ZDHHC21: variants seen among roughly 807,000 people sequenced by gnomAD.
The protein encoded by ZDHHC21 is zDHHC palmitoyltransferase 21, also known as palmitoyltransferase ZDHHC21.
In ZDHHC21, 15 loss-of-function variants were observed where a neutral mutation model predicts 34.6. The ratio of observed to expected loss-of-function variants is 0.43; its 90% CI spans 0.29 to 0.67. The LOEUF (loss-of-function observed/expected upper bound fraction) is 0.67. ZDHHC21 is among the 30% of genes least tolerant of loss of function. The pLI, the probability that ZDHHC21 is intolerant of heterozygous loss-of-function variation, is 0.14. For missense variants in ZDHHC21, 344 were observed against 327.7 expected (o/e 1.05, Z -0.38); for synonymous variants, 142 against 101.8 (o/e 1.40, Z -2.38).
At chr9:14,664,960 C>T (rs889896031) in intron 5 of ZDHHC21, among the ~76,000 whole-genome samples, 41 of 149,432 alleles carry the variant, frequency 2.7e-4, no homozygotes, top group African/African-American at 9.7e-4. Flanking sequence ...TCCAAAGGAA[C>T]GCAGTTCCTC....
the ZDHHC21 span, among the ~76,000 whole-genome samples, chr9:14,601,965 G>A: frequency 2.0e-5 from 3 of 151,934 alleles, no homozygotes; most frequent in East Asian, 5.8e-4. Context: ...ATGGACACAC[G>A]GAGGGGAACA....
chr9:14,687,347 G>A (rs1017779666), intron 2 of ZDHHC21, among the ~76,000 whole-genome samples: 3 of 150,732 alleles, frequency 2.0e-5, no homozygotes, highest in Non-Finnish European at 4.4e-5. Flanking sequence ...CACTACCTCT[G>A]AGAAATGAAA....
intron 8 of ZDHHC21, 72 bp downstream of exon 8, chr9:14,639,824 A>G: frequency 1.1e-6 from 1 of 877,078 alleles, no homozygotes; most frequent in Non-Finnish European, 1.6e-6. Context: ...AACTTCCTAT[A>G]ACTTTTGAGA....
At chr9:14,661,666 C>G (rs985811920) in intron 6 of ZDHHC21, among the ~76,000 whole-genome samples, 3 of 152,102 alleles carry the variant, frequency 2.0e-5, no homozygotes, top group African/African-American at 7.2e-5. Context: ...CCCTATTGAC[C>G]AAAACTGTTA....
chr9:14,659,889 C>A (rs1038040535), intron 6 of ZDHHC21, among the ~76,000 whole-genome samples: 1 of 152,120 alleles, frequency 6.6e-6, no homozygotes, highest in African/African-American at 2.4e-5. Context: ...AATATACACT[C>A]AAAAGTGCTC....
At chr9:14,630,024 G>A (rs1415127495) in intron 8 of ZDHHC21, among the ~76,000 whole-genome samples, 1 of 152,086 alleles carries the variant, frequency 6.6e-6, no homozygotes, top group Non-Finnish European at 1.5e-5. Flanking sequence ...CCAGCCTGGC[G>A]ACAGAGAGAG....
intron 7 of ZDHHC21, among the ~76,000 whole-genome samples, chr9:14,646,300 G>C (rs527514213): frequency 2.8e-4 from 42 of 152,060 alleles, no homozygotes; most frequent in African/African-American, 8.9e-4. Flanking sequence ...TCACTTAACT[G>C]TTTTTATTTT....
At chr9:14,688,794 G>C (rs181473541) in intron 2 of ZDHHC21, among the ~76,000 whole-genome samples, 1 of 152,150 alleles carries the variant, frequency 6.6e-6, no homozygotes, top group African/African-American at 2.4e-5. Context: ...CCCGGGAGGC[G>C]GAGGTTGCAG....
At chr9:14,606,848 A>C (rs1000194152), downstream of ZDHHC21, among the ~76,000 whole-genome samples, 2 of 152,144 alleles carry the variant, frequency 1.3e-5, no homozygotes, top group South Asian at 4.1e-4. Context: ...CAAGAGAAAA[A>C]AAACCAGACG....
chr9:14,660,372 CAAAAAAAA>C (rs374162221), intron 6 of ZDHHC21, among the ~76,000 whole-genome samples: 2 of 58,802 alleles, frequency 3.4e-5, no homozygotes, highest in African/African-American at 7.7e-5. Context: ...GACTCCATCT[CAAAAAAAA>C]AAAAAAAAAA....
chr9:14,685,399 G>C (rs1448368638), intron 2 of ZDHHC21, among the ~76,000 whole-genome samples: 103 of 151,472 alleles, frequency 6.8e-4, no homozygotes, highest in African/African-American at 2.3e-3. Flanking sequence ...CAAAGGATAT[G>C]AACAGACACT....
intron 7 of ZDHHC21, among the ~76,000 whole-genome samples, chr9:14,644,526 G>A (rs55658273): frequency 0.27 from 41,344 of 151,400 alleles, 6,362 homozygotes; most frequent in East Asian, 0.35. Flanking sequence ...TAAGGGGGTC[G>A]GGAAGAAAGA....
downstream of ZDHHC21, among the ~76,000 whole-genome samples, chr9:14,607,851 C>T (rs1176167329): frequency 2.0e-5 from 3 of 152,128 alleles, no homozygotes; most frequent in African/African-American, 7.2e-5. Flanking sequence ...AAGGTTCCTA[C>T]CACAGCGATT....
chr9:14,606,762 G>C (rs1823026312), downstream of ZDHHC21, among the ~76,000 whole-genome samples: 1 of 151,820 alleles, frequency 6.6e-6, no homozygotes, highest in Admixed American at 6.6e-5. Flanking sequence ...TAATACCCAG[G>C]AAATATATTA....
chr9:14,691,265 C>G (rs369627490), intron 1 of ZDHHC21, among the ~76,000 whole-genome samples: 6 of 152,138 alleles, frequency 3.9e-5, no homozygotes, highest in African/African-American at 1.4e-4. Flanking sequence ...CTTCTCACTC[C>G]TCTCCTCTCA....
chr9:14,689,030 G>A (rs968285902), intron 2 of ZDHHC21, among the ~76,000 whole-genome samples: 1 of 152,134 alleles, frequency 6.6e-6, no homozygotes. Context: ...CTGGTCAACA[G>A]AGTGAGATCC....
rs1281529344 is a variant in ZDHHC21, at chr9:14,611,530, T to C, written c.*7436A>G. The C allele has an allele frequency of 6.6e-6, 1 of 152,144 alleles. No homozygotes were observed. Among genetic ancestry groups the C allele is most frequent in the South Asian group, 2.1e-4 (1 of 4,828 alleles). 9.4% of individuals were successfully genotyped at this position (152,144 alleles called of 1,614,324 possible). A position where few individuals can be genotyped will look rare whatever the true frequency, so the allele number is the denominator to read the frequency against. ...TCTATACATATTATGTACTGAATAA[T>C]AAAATGCCTGACAAATTTAAAAACA... On this transcript the variant is annotated 3_prime_UTR_variant, in exon 10 of 10. Coordinates refer to ENST00000380916, the MANE Select transcript of ZDHHC21 (RefSeq NM_178566.6).
chr9:14,632,481 A>G (rs946757049), intron 8 of ZDHHC21, among the ~76,000 whole-genome samples: 13 of 151,864 alleles, frequency 8.6e-5, no homozygotes, highest in African/African-American at 1.2e-4. Flanking sequence ...ATAAAAGCTA[A>G]AACAATAAAA....
At chr9:14,656,043 G>A (rs1832144839) in intron 7 of ZDHHC21, among the ~76,000 whole-genome samples, 1 of 151,622 alleles carries the variant, frequency 6.6e-6, no homozygotes, top group Non-Finnish European at 1.5e-5. Context: ...TAAGAATAAA[G>A]AGGCATATTT....
Sources: allele counts gnomAD v4.1 joint callset (sites outside exome capture counted in the v4.1 genomes callset), GRCh38; gene constraint gnomAD v4.1.1; transcripts MANE v1.5; gene names NCBI Gene and HGNC (gene_info 2026-07-23, HGNC 2026-07-21).